Variants in MGAT4D observed in about 807,000 individuals in gnomAD.
MGAT4D encodes MGAT4 family member D, also known as alpha-1,3-mannosyl-glycoprotein 4-beta-N-acetylglucosaminyltransferase-like protein MGAT4D.
A neutral mutation model predicts 15.9 loss-of-function variants in MGAT4D; 34 were observed. The ratio of observed to expected loss-of-function variants is 2.14; its 90% CI spans 1.62 to 2.84. MGAT4D has a LOEUF of 2.84. Among genes scored for constraint, MGAT4D ranks in the 30% most tolerant of loss-of-function variants. MGAT4D has a pLI of 0.00. For missense variants in MGAT4D, 327 were observed against 140.2 expected (o/e 2.33, Z -6.73); for synonymous variants, 112 against 48.2 (o/e 2.33, Z -5.49).
chr4:140,476,231 A>G (rs560702765), intron 3 of MGAT4D, among the ~76,000 whole-genome samples: 1 of 152,260 alleles, frequency 6.6e-6, no homozygotes, highest in African/African-American at 2.4e-5. Flanking sequence ...TATATTCTGA[A>G]TACGAACCCC....
At chr4:140,494,210 A>C (rs1478618279) in intron 1 of MGAT4D, among the ~76,000 whole-genome samples, 1 of 152,196 alleles carries the variant, frequency 6.6e-6, no homozygotes, top group Non-Finnish European at 1.5e-5. Context: ...TATCATCTCC[A>C]GGTGACCCGG....
chr4:140,475,459 G>A (rs1477775621), intron 3 of MGAT4D, among the ~76,000 whole-genome samples: 1 of 151,956 alleles, frequency 6.6e-6, no homozygotes, highest in African/African-American at 2.4e-5. Context: ...GCTCCAAGAT[G>A]TACACATCTT....
intron 5 of MGAT4D, among the ~76,000 whole-genome samples, chr4:140,469,325 C>T (rs1055620251): frequency 3.9e-5 from 6 of 152,140 alleles, no homozygotes; most frequent in African/African-American, 7.2e-5. Context: ...GATATCATTT[C>T]GCCCTTACAT....
At chr4:140,488,500 G>A (rs1028853400) in intron 1 of MGAT4D, among the ~76,000 whole-genome samples, 2 of 152,192 alleles carry the variant, frequency 1.3e-5, no homozygotes, top group African/African-American at 2.4e-5. Flanking sequence ...AAGTGCCACA[G>A]GCACAGGAAG....
At chr4:140,454,252 A>G (rs934499840) in intron 9 of MGAT4D, among the ~76,000 whole-genome samples, 1 of 152,130 alleles carries the variant, frequency 6.6e-6, no homozygotes, top group African/African-American at 2.4e-5. Context: ...ATTTCTCTAG[A>G]TGCTCTTTAA....
chr4:140,448,525 G>C (rs1206449267), intron 10 of MGAT4D, among the ~76,000 whole-genome samples: 1 of 152,108 alleles, frequency 6.6e-6, no homozygotes, highest in African/African-American at 2.4e-5. Flanking sequence ...GGATATTCTT[G>C]TAGTGTGTTT....
intron 10 of MGAT4D, among the ~76,000 whole-genome samples, chr4:140,446,750 T>A (rs1270169698): frequency 1.3e-5 from 1 of 77,678 alleles, no homozygotes; most frequent in African/African-American, 5.1e-5. Context: ...CTAGTTTTTT[T>A]TTTTTTTTTT....
intron 2 of MGAT4D, among the ~76,000 whole-genome samples, chr4:140,481,304 A>T (rs6851261): frequency 0.14 from 20,608 of 151,430 alleles, 1,480 homozygotes; most frequent in Admixed American, 0.2. Flanking sequence ...AGCCTGTTTT[A>T]AAAAAAAATG....
chr4:140,475,507 G>GT (rs1732250704), intron 3 of MGAT4D, among the ~76,000 whole-genome samples: 1 of 151,898 alleles, frequency 6.6e-6, no homozygotes, highest in Non-Finnish European at 1.5e-5. Flanking sequence ...GCTACCAATC[G>GT]TAACTATACT....
At chr4:140,454,904 T>TAC (rs746713466) in intron 9 of MGAT4D, among the ~76,000 whole-genome samples, 7,837 of 152,088 alleles carry the variant, frequency 0.052, 239 homozygotes, top group South Asian at 0.097. Context: ...TTATGGAAAA[T>TAC]CCTTTTAGTA....
At position 140,443,034 on chromosome 4, in the gene MGAT4D, C is replaced by T. The variant is rs1484659988; in HGVS notation, c.*402G>A. ...AGATCCAGGCTTGTTTAAATTTGTG[C>T]TTTCTATTTCTTTAGGTGTCTTAAC... On this transcript the variant is annotated 3_prime_UTR_variant, in exon 11 of 11. Transcript: ENST00000511113. 1.3e-5 allele frequency: 2 copies of T among 152,072 alleles called. No individual in the cohort carries two copies. The highest frequency in any genetic ancestry group is 1.3e-4 in the Admixed American group (2 of 15,250). 9.4% of individuals were successfully genotyped at this position (152,072 alleles called of 1,614,324 possible). A position where few individuals can be genotyped will look rare whatever the true frequency, so the allele number is the denominator to read the frequency against.
chr4:140,494,816 T>C (rs12509256), intron 1 of MGAT4D, among the ~76,000 whole-genome samples: 40,055 of 152,050 alleles, frequency 0.26, 5,861 homozygotes, highest in East Asian at 0.48. Flanking sequence ...ATAGAACCCA[T>C]GGATGCTGCT....
At chr4:140,449,243 T>C (rs1482557428) in intron 10 of MGAT4D, among the ~76,000 whole-genome samples, 1 of 152,222 alleles carries the variant, frequency 6.6e-6, no homozygotes, top group South Asian at 2.1e-4. Context: ...GAAATTTGTA[T>C]GTTTATCATA....
rs1733976702 is a variant in MGAT4D at position 140,498,281 on chromosome 4, G to A, written c.-59C>T. ...GAGGCGGCGGATAATGCCAGGGACG[G>A]GGTTGAGCGCGCAGAGCCCCCTCCC... On this transcript the variant is annotated 5_prime_UTR_variant, in exon 1 of 11. Transcript: ENST00000511113. The A allele has an allele frequency of 2.9e-6, 2 of 695,760 alleles. No homozygotes were observed. The highest frequency in any genetic ancestry group is 2.7e-5 in the East Asian group (1 of 36,736). 43.1% of individuals were successfully genotyped at this position (695,760 alleles called of 1,614,324 possible). A position where few individuals can be genotyped will look rare whatever the true frequency, so the allele number is the denominator to read the frequency against.
intron 1 of MGAT4D, among the ~76,000 whole-genome samples, chr4:140,488,250 T>C (rs1733272370): frequency 1.3e-5 from 2 of 152,238 alleles, no homozygotes; most frequent in South Asian, 4.1e-4. Context: ...CCTCACTTCA[T>C]TCACTAAACA....
chr4:140,456,628 G>T lies in MGAT4D; in HGVS notation c.969C>A (p.Asp323Glu). 1.4e-6 allele frequency: 1 copy of T among 695,190 alleles called. No individual in the cohort carries two copies. The highest frequency in any genetic ancestry group is 2.6e-6 in the Non-Finnish European group (1 of 381,292). 43.1% of individuals were successfully genotyped at this position (695,190 alleles called of 1,614,324 possible). A position where few individuals can be genotyped will look rare whatever the true frequency, so the allele number is the denominator to read the frequency against. ...CGTCACACACCTTTACCTGAAAAAT[G>T]TCATTCAAGAGCCAGTCTATGGGTT... is the stretch of plus-strand genomic sequence containing the variant. ...KEKPIDWLLN[D>E]IFQVKVCDAG... The change falls in exon 9 of 11, where the codon GAC becomes GAA. Residue 323 changes from aspartate to glutamate, a missense_variant. Physicochemically the swap from Asp to Glu is conservative, Grantham distance 45 (BLOSUM62 2). Coordinates refer to ENST00000511113, the MANE Select transcript of MGAT4D (RefSeq NM_001277353.2).
intron 9 of MGAT4D, among the ~76,000 whole-genome samples, chr4:140,453,491 T>C (rs923928210): frequency 6.6e-6 from 1 of 151,904 alleles, no homozygotes; most frequent in Non-Finnish European, 1.5e-5. Context: ...ATATAAATAT[T>C]TTATATATAA....
intron 5 of MGAT4D, among the ~76,000 whole-genome samples, chr4:140,470,085 A>AT (rs1329232201): frequency 2.0e-5 from 3 of 152,248 alleles, no homozygotes; most frequent in Admixed American, 2.0e-4. Context: ...GCCTATCTCC[A>AT]GGGCCTCTGA....
intron 7 of MGAT4D, among the ~76,000 whole-genome samples, chr4:140,460,261 TG>T (rs1731087943): frequency 6.6e-6 from 1 of 152,208 alleles, no homozygotes; most frequent in Admixed American, 6.5e-5. Context: ...TACCATAGAA[TG>T]GGTAGTTTAT....
Sources: gnomAD v4.1 joint callset for allele counts (sites outside exome capture counted in the v4.1 genomes callset) on GRCh38, gnomAD v4.1.1 for gene constraint, MANE v1.5 for transcripts, NCBI Gene and HGNC (gene_info 2026-07-23, HGNC 2026-07-21) for gene names.